The following SCN11A variants were observed in gnomAD, a reference collection of about 807,000 sequenced individuals.
The protein encoded by SCN11A is sodium voltage-gated channel alpha subunit 11.
SCN11A carries 122 observed loss-of-function variants against 162.2 expected under a neutral mutation model. That is an observed-to-expected ratio of 0.75 (90% CI 0.65 to 0.87). The LOEUF is 0.87. Among genes scored for constraint, SCN11A ranks in the 40% least tolerant of loss-of-function variants. The pLI, the probability that SCN11A is intolerant of heterozygous loss-of-function variation, is 0.00. For synonymous variants in SCN11A, 758 were observed against 751.5 expected (o/e 1.01, Z -0.14); for missense variants, 2,015 against 2,181.6 (o/e 0.92, Z 1.52).
At chr3:38,862,013 G>A (rs976734146) in intron 28 of SCN11A, among the ~76,000 whole-genome samples, 2 of 151,820 alleles carry the variant, frequency 1.3e-5, no homozygotes, top group African/African-American at 4.8e-5. Flanking sequence ...TAATTTTCAG[G>A]ATCTACAAGG....
chr3:39,040,614 G>A (rs901695944), intron 1 of SCN11A, among the ~76,000 whole-genome samples: 3 of 152,112 alleles, frequency 2.0e-5, no homozygotes, highest in African/African-American at 7.2e-5. Context: ...GATAAATACA[G>A]ACATACAAAT....
intron 1 of SCN11A, among the ~76,000 whole-genome samples, chr3:39,043,307 T>C (rs115407971): frequency 0.012 from 1,801 of 152,244 alleles, 35 homozygotes; most frequent in African/African-American, 0.04. Flanking sequence ...AGCAATCCCA[T>C]TGCTGGGTAT....
chr3:38,874,622 G>A (rs2065179671), intron 23 of SCN11A, among the ~76,000 whole-genome samples: 1 of 152,080 alleles, frequency 6.6e-6, no homozygotes. Context: ...GTAAAAAGAG[G>A]CCTCTCATTT....
intron 2 of SCN11A, among the ~76,000 whole-genome samples, chr3:38,965,724 G>A (rs1416282354): frequency 6.6e-6 from 1 of 151,950 alleles, no homozygotes; most frequent in Admixed American, 6.5e-5. Flanking sequence ...ATGACAAGGT[G>A]TTTATTGGAG....
chr3:38,989,191 C>T (rs1293437448), intron 2 of SCN11A, among the ~76,000 whole-genome samples: 1 of 152,214 alleles, frequency 6.6e-6, no homozygotes, highest in Admixed American at 6.5e-5. Flanking sequence ...TGGTCAACAG[C>T]CCTAGTTGAG....
At chr3:38,993,884 C>A (rs1233940065) in intron 2 of SCN11A, among the ~76,000 whole-genome samples, 2 of 152,192 alleles carry the variant, frequency 1.3e-5, no homozygotes, top group Non-Finnish European at 2.9e-5. Flanking sequence ...CCACTGGGGG[C>A]AAGTTCTCCA....
intron 27 of SCN11A, among the ~76,000 whole-genome samples, chr3:38,865,687 T>C (rs1360210382): frequency 6.6e-6 from 1 of 152,066 alleles, no homozygotes; most frequent in East Asian, 1.9e-4. Context: ...AATATGTTAT[T>C]ACAAAAATAT....
intron 2 of SCN11A, among the ~76,000 whole-genome samples, chr3:38,962,239 T>A (rs1036710297): frequency 6.6e-6 from 1 of 152,240 alleles, no homozygotes; most frequent in Non-Finnish European, 1.5e-5. Context: ...CTTATTTTTA[T>A]AGCAGTACCA....
At chr3:38,920,150 C>T (rs2066023433) in intron 10 of SCN11A, 149 bp from the exon 11 acceptor site, 1 of 629,022 alleles carries the variant, frequency 1.6e-6, no homozygotes, top group Non-Finnish European at 2.7e-6. Flanking sequence ...AACTGGAGCC[C>T]AAGACCTCTG....
At chr3:38,907,596 T>C (rs1193115439) in intron 14 of SCN11A, among the ~76,000 whole-genome samples, 1 of 152,022 alleles carries the variant, frequency 6.6e-6, no homozygotes, top group Non-Finnish European at 1.5e-5. Context: ...CACTGACACA[T>C]AGTTCCTCCT....
At position 38,871,569 on chromosome 3, in the gene SCN11A, T is replaced by C; in HGVS notation, c.3635A>G (p.Asp1212Gly). The stretch of plus-strand genomic sequence containing the variant: ...AATGATGGTATAATTTATAACTGAG[T>C]CTGTTCCATTAATGCATTTCCCAAA... ...GKFGKCINGT[D>G]SVINYTIITN... The change falls in exon 25 of 30, where the codon GAC (aspartate) becomes GGC (glycine). Residue 1212 changes from aspartate to glycine, a missense_variant. Asp to Gly is a moderately conservative substitution (Grantham distance 94). Coordinates refer to ENST00000302328, the MANE Select transcript of SCN11A (RefSeq NM_001349253.2). 1 of 1,613,164 alleles carries C rather than the reference T, an allele frequency of 6.2e-7. No homozygotes were observed. Among genetic ancestry groups the C allele is most frequent in the Admixed American group, 1.7e-5 (1 of 59,888 alleles).
intron 22 of SCN11A, among the ~76,000 whole-genome samples, chr3:38,882,317 C>T (rs1203280778): frequency 1.3e-5 from 2 of 152,082 alleles, no homozygotes; most frequent in Admixed American, 1.3e-4. Flanking sequence ...TGTCTTTTTC[C>T]ACTTGCTAGT....
At position 39,017,049 on chromosome 3, in the gene SCN11A, G is replaced by A. The variant is rs980797449; in HGVS notation, c.-280+15331C>T. Among the ~76,000 whole-genome samples, 5 of 152,120 alleles carry A rather than the reference G, an allele frequency of 3.3e-5. No individual in the cohort carries two copies. In the South Asian group the frequency reaches 6.2e-4, roughly 19 times the overall value. ...TCATATGTTGAAATCCTAACACCCCGTGTTGTTGATATTGGGAAGTGGAGC... is the reference window on the plus strand; with the variant it reads ...TCATATGTTGAAATCCTAACACCCCATGTTGTTGATATTGGGAAGTGGAGC... On this transcript the variant is annotated intron_variant, in intron 2 of 29. Transcript: ENST00000302328.
In SCN11A at chr3:38,913,341, T is replaced by G. The variant is rs140089204; in HGVS notation, c.960-3134A>C. Among the ~76,000 whole-genome samples, 990 of 152,328 alleles carry G rather than the reference T, an allele frequency of 6.5e-3. 10 individuals are homozygous for G. The highest frequency in any genetic ancestry group is 0.022 in the African/African-American group (923 of 41,576). On this transcript the variant is annotated intron_variant, in intron 11 of 29. Coordinates refer to ENST00000302328, the MANE Select transcript of SCN11A (RefSeq NM_001349253.2). ...CTTTTCAGTGGAGTTGTTTTCTTATTGTAAATTTAATTTCCTTATAGATGC... is the reference window on the plus strand; with the variant it reads ...CTTTTCAGTGGAGTTGTTTTCTTATGGTAAATTTAATTTCCTTATAGATGC...
chr3:38,918,887 C>A lies in SCN11A; in HGVS notation c.959+1048G>T, dbSNP rs566022216. 2.0e-5 allele frequency among the ~76,000 whole-genome samples: 3 copies of A among 152,298 alleles called. No individual in the cohort carries two copies. The South Asian group carries it at 6.2e-4, about 32-fold the overall frequency. ...CATGCATTGCTCAACAGCAGGAATA[C>A]ATTCTAAGAAATGTGTAGTTAGGCA... On this transcript the variant is annotated intron_variant, in intron 11 of 29. Coordinates refer to ENST00000302328, the MANE Select transcript of SCN11A (RefSeq NM_001349253.2).
chr3:38,944,428 G>C (rs2066485096), intron 7 of SCN11A, among the ~76,000 whole-genome samples: 1 of 151,528 alleles, frequency 6.6e-6, no homozygotes. Context: ...CCAGGTTCAT[G>C]CCATTCTCCT....
At chr3:38,916,268 T>C (rs2065959589) in intron 11 of SCN11A, among the ~76,000 whole-genome samples, 1 of 152,204 alleles carries the variant, frequency 6.6e-6, no homozygotes, top group African/African-American at 2.4e-5. Context: ...AGCTTGCCAT[T>C]GTGTGCCTTT....
intron 28 of SCN11A, among the ~76,000 whole-genome samples, chr3:38,850,989 T>C (rs2064769558): frequency 6.6e-6 from 1 of 152,172 alleles, no homozygotes; most frequent in Non-Finnish European, 1.5e-5. Flanking sequence ...TAGCTTTAAT[T>C]CCATTTTAAA....
At chr3:38,935,396 T>C (rs867307347) in intron 7 of SCN11A, among the ~76,000 whole-genome samples, 18 of 151,962 alleles carry the variant, frequency 1.2e-4, no homozygotes, top group Middle Eastern at 3.4e-3. Context: ...CTGAAGGAAA[T>C]AGAGACACAA....
Sources: gnomAD v4.1 joint callset for allele counts (sites outside exome capture counted in the v4.1 genomes callset) on GRCh38, gnomAD v4.1.1 for gene constraint, MANE v1.5 for transcripts, NCBI Gene and HGNC (gene_info 2026-07-23, HGNC 2026-07-21) for gene names.